TTC7B: variants seen among roughly 807,000 people sequenced by gnomAD.
TTC7B encodes tetratricopeptide repeat domain 7B, also known as tetratricopeptide repeat protein 7B.
A neutral mutation model predicts 106.8 loss-of-function variants in TTC7B; 28 were observed. The ratio of observed to expected loss-of-function variants is 0.26; its 90% CI spans 0.19 to 0.36. The LOEUF is 0.36. TTC7B is among the 10% of genes least tolerant of loss of function. The pLI is 1.00. For missense variants in TTC7B, 862 were observed against 1,076.4 expected (o/e 0.80, Z 2.79); for synonymous variants, 405 against 430.6 (o/e 0.94, Z 0.74).
intron 13 of TTC7B, 103 bp from the exon 14 acceptor site, chr14:90,647,126 C>CATAT: frequency 1.0e-6 from 1 of 969,844 alleles, no homozygotes; most frequent in East Asian, 2.4e-5. Flanking sequence ...ACTAAGGGCC[C>CATAT]GTATTTATTT....
rs1010922498 is a variant in TTC7B, at chr14:90,663,515, A to T, written c.1153-5128T>A. Among the ~76,000 whole-genome samples, 3 of 152,042 alleles carry T rather than the reference A, an allele frequency of 2.0e-5. No homozygotes were observed. Among genetic ancestry groups the T allele is most frequent in the African/African-American group, 7.2e-5 (3 of 41,394 alleles). On this transcript the variant is annotated intron_variant, in intron 9 of 19. Coordinates refer to ENST00000328459, the MANE Select transcript of TTC7B (RefSeq NM_001010854.2). The surrounding 1 kb of genome is among the most constrained non-coding windows in gnomAD (Gnocchi z 4.5). ...ACTAAGGACTGAGACCTTTCCAGCT[A>T]GTAGAAGTGTCAATCAACTTTACTG...
chr14:90,701,071 A>C (rs1243962294), intron 5 of TTC7B, among the ~76,000 whole-genome samples: 1 of 151,998 alleles, frequency 6.6e-6, no homozygotes, highest in Non-Finnish European at 1.5e-5. Context: ...CCAGGGATCA[A>C]ACCCACAACC....
chr14:90,592,388 G>A (rs572809622), intron 18 of TTC7B, among the ~76,000 whole-genome samples: 9 of 152,286 alleles, frequency 5.9e-5, no homozygotes, highest in East Asian at 1.9e-4. Context: ...TCTTGGAAGC[G>A]CAGTGTAGTG....
intron 4 of TTC7B, among the ~76,000 whole-genome samples, chr14:90,736,946 A>G (rs1889558211): frequency 1.3e-5 from 2 of 151,434 alleles, no homozygotes; most frequent in Admixed American, 6.6e-5. Context: ...ACATACATAT[A>G]TATGGAAAAT....
chr14:90,578,789 C>T lies in TTC7B; in HGVS notation c.2108-481G>A, dbSNP rs1344532353. On this transcript the variant is annotated intron_variant, in intron 18 of 19. Coordinates refer to ENST00000328459, the MANE Select transcript of TTC7B (RefSeq NM_001010854.2). The surrounding 1 kb of genome is among the most constrained non-coding windows in gnomAD (Gnocchi z 4.7). Reference sequence around the variant, plus strand: ...GATGCCAAGAAGTATGATGGGGCTGCAGGCTGCAGCTATCATGTTCACAGG... The same window carrying T: ...GATGCCAAGAAGTATGATGGGGCTGTAGGCTGCAGCTATCATGTTCACAGG... 1.3e-5 allele frequency among the ~76,000 whole-genome samples: 2 copies of T among 152,104 alleles called. No homozygotes were observed. Among genetic ancestry groups the T allele is most frequent in the South Asian group, 4.2e-4 (2 of 4,818 alleles).
intron 4 of TTC7B, among the ~76,000 whole-genome samples, chr14:90,732,252 T>C (rs1205829630): frequency 1.3e-5 from 2 of 152,182 alleles, no homozygotes; most frequent in Non-Finnish European, 2.9e-5. Flanking sequence ...TCCTAATTAT[T>C]TCTCAACTAT....
rs748942945 is a variant in TTC7B at position 90,541,512 on chromosome 14, T to G, written c.2388A>C (p.Thr796=). The change falls in exon 20 of 20, where the codon ACA becomes ACC. Residue 796 remains threonine (T), a synonymous_variant. Transcript: ENST00000328459. Reference sequence around the variant, plus strand: ...CCAGCCCGTTCCAGACCTCGTGGGCTGTCGAGTTCACCTGCACCGCGTCCC... The same window carrying G: ...CCAGCCCGTTCCAGACCTCGTGGGCGGTCGAGTTCACCTGCACCGCGTCCC... ...ILRDAVQVNS[T]AHEVWNGLGE... is the part of the protein sequence containing the mutation. 1 of 1,613,978 alleles carries G rather than the reference T, an allele frequency of 6.2e-7. No homozygotes were observed. The highest frequency in any genetic ancestry group is 1.7e-5 in the Admixed American group (1 of 60,028).
chr14:90,721,240 C>T (rs1009602028), intron 5 of TTC7B, among the ~76,000 whole-genome samples: 2 of 152,202 alleles, frequency 1.3e-5, no homozygotes, highest in Admixed American at 1.3e-4. Flanking sequence ...ACGCACCCAT[C>T]TTGCTGAATG....
At chr14:90,689,737 A>G in intron 6 of TTC7B, 25 bp from the exon 7 acceptor site, 2 of 1,610,912 alleles carry the variant, frequency 1.2e-6, no homozygotes, top group South Asian at 2.2e-5. Context: ...GAGGAAAAGC[A>G]TAGCCATGAA....
chr14:90,557,288 C>T (rs1890355581), intron 19 of TTC7B, among the ~76,000 whole-genome samples: 1 of 152,198 alleles, frequency 6.6e-6, no homozygotes, highest in Non-Finnish European at 1.5e-5. Flanking sequence ...GCTCCCCCTG[C>T]AGGAGAGCAG....
chr14:90,584,823 T>C (rs1352657025), intron 18 of TTC7B, among the ~76,000 whole-genome samples: 1 of 152,050 alleles, frequency 6.6e-6, no homozygotes, highest in East Asian at 1.9e-4. Context: ...GGGTCCCACC[T>C]GATCGCAGGG....
In TTC7B at chr14:90,805,838, G is replaced by A. The variant is rs866026037; in HGVS notation, c.121+10337C>T. 2.7e-5 allele frequency among the ~76,000 whole-genome samples: 4 copies of A among 147,558 alleles called. No homozygotes were observed. The highest frequency in any genetic ancestry group is 6.0e-5 in the Non-Finnish European group (4 of 66,640). ...GAGTCACTCCTGTGAGCCCTGCGGC[G>A]GGCACAGCTCAATGCCCAGGGGCAC... On this transcript the variant is annotated intron_variant, in intron 1 of 19. Coordinates refer to ENST00000328459, the MANE Select transcript of TTC7B (RefSeq NM_001010854.2). This position sits in a 1 kb window ranked among gnomAD's most constrained non-coding sequence, Gnocchi z 4.0.
intron 9 of TTC7B, among the ~76,000 whole-genome samples, chr14:90,671,128 C>G (rs1391494940): frequency 6.6e-6 from 1 of 152,126 alleles, no homozygotes; most frequent in Non-Finnish European, 1.5e-5. Flanking sequence ...GGCTGGGTTT[C>G]TACAGTACAA....
intron 19 of TTC7B, among the ~76,000 whole-genome samples, chr14:90,548,588 A>G (rs983004464): frequency 6.6e-6 from 1 of 152,184 alleles, no homozygotes; most frequent in Non-Finnish European, 1.5e-5. Context: ...CTGTTCCCCC[A>G]CTAGGCTTTG....
intron 15 of TTC7B, among the ~76,000 whole-genome samples, chr14:90,622,853 T>C (rs545777428): frequency 1.1e-4 from 17 of 152,298 alleles, no homozygotes; most frequent in African/African-American, 4.1e-4. Flanking sequence ...GACCCAAATC[T>C]AGCATTTCAT....
At chr14:90,639,408 A>G (rs772050067) in intron 15 of TTC7B, among the ~76,000 whole-genome samples, 10 of 152,228 alleles carry the variant, frequency 6.6e-5, no homozygotes, top group Non-Finnish European at 1.2e-4. Context: ...CAAAAGAGAA[A>G]AGGTGAATGA....
intron 19 of TTC7B, among the ~76,000 whole-genome samples, chr14:90,554,241 C>T (rs529879150): frequency 2.0e-4 from 31 of 152,236 alleles, no homozygotes; most frequent in African/African-American, 7.0e-4. Context: ...CAAAGCCCCA[C>T]AGTCCCCCAC....
chr14:90,563,262 G>A (rs757966469), intron 19 of TTC7B, among the ~76,000 whole-genome samples: 11 of 152,100 alleles, frequency 7.2e-5, no homozygotes, highest in Non-Finnish European at 1.3e-4. Context: ...GGCATGTCTC[G>A]GAGCTACCAC....
At chr14:90,610,287 C>G (rs1386832796) in intron 17 of TTC7B, among the ~76,000 whole-genome samples, 1 of 152,216 alleles carries the variant, frequency 6.6e-6, no homozygotes, top group African/African-American at 2.4e-5. Context: ...CAGGAAGTGC[C>G]TCGGGCTTCC....
Sources: gnomAD v4.1 joint callset for allele counts (sites outside exome capture counted in the v4.1 genomes callset) on GRCh38, gnomAD v4.1.1 for gene constraint, Gnocchi (gnomAD v3.1) non-coding constraint, MANE v1.5 for transcripts, NCBI Gene and HGNC (gene_info 2026-07-23, HGNC 2026-07-21) for gene names.